RPS6KC1: variants seen among roughly 807,000 people sequenced by gnomAD.
RPS6KC1 encodes the protein ribosomal protein S6 kinase C1.
In RPS6KC1, 54 loss-of-function variants were observed where a neutral mutation model predicts 103.8. That is an observed-to-expected ratio of 0.52 (90% CI 0.42 to 0.65). The LOEUF (loss-of-function observed/expected upper bound fraction) is 0.65, where lower values mean the gene tolerates loss of function less well. Ranked by LOEUF, RPS6KC1 falls within the 30% of genes least tolerant of loss-of-function variation. RPS6KC1 has a pLI of 0.00. For missense variants in RPS6KC1, 1,151 were observed against 1,253.8 expected (o/e 0.92, Z 1.24); for synonymous variants, 439 against 438.7 (o/e 1.00, Z -0.01).
At chr1:213,500,128 T>TGTCAAACTTAGCTAA in the RPS6KC1 span, among the ~76,000 whole-genome samples, 28 of 152,254 alleles carry the variant, frequency 1.8e-4, no homozygotes, top group East Asian at 5.2e-3. Context: ...GTTTGACTCT[T>TGTCAAACTTAGCTAA]GTAATAACTT....
the RPS6KC1 span, among the ~76,000 whole-genome samples, chr1:213,286,009 G>A: frequency 6.6e-6 from 1 of 152,150 alleles, no homozygotes; most frequent in Non-Finnish European, 1.5e-5. Flanking sequence ...CCAGCCTAAG[G>A]CAGAACCGTC....
the RPS6KC1 span, among the ~76,000 whole-genome samples, chr1:213,401,648 T>C: frequency 9.3e-4 from 142 of 152,330 alleles, no homozygotes; most frequent in African/African-American, 3.2e-3. Context: ...GCCCAGCCTG[T>C]TCTACCACCT....
chr1:213,681,992 A>G, the RPS6KC1 span, among the ~76,000 whole-genome samples: 1 of 152,120 alleles, frequency 6.6e-6, no homozygotes, highest in Non-Finnish European at 1.5e-5. Context: ...TCTAAGCCAT[A>G]CTGTGGCCAA....
chr1:213,241,674 G>A lies in RPS6KC1; in HGVS notation c.2198G>A (p.Cys733Tyr). ...CTCTTGGAAGCCCCTGATGTTTTAT[G>A]CCTCAGGCTTAGTACTGAACAATGC... is the stretch of plus-strand genomic sequence containing the variant. ...NKLLEAPDVL[C>Y]LRLSTEQCQA... is the part of the protein sequence containing the mutation. Residue 733 changes from cysteine to tyrosine, a missense_variant, in exon 11 of 15, where the codon TGC becomes TAC. Coordinates refer to ENST00000366960, the MANE Select transcript of RPS6KC1 (RefSeq NM_012424.6). 1 of 1,613,852 alleles carries A rather than the reference G, an allele frequency of 6.2e-7. No homozygotes were observed. Among genetic ancestry groups the A allele is most frequent in the Non-Finnish European group, 8.5e-7 (1 of 1,179,910 alleles).
the RPS6KC1 span, among the ~76,000 whole-genome samples, chr1:213,577,115 C>A: frequency 6.6e-6 from 1 of 152,136 alleles, no homozygotes; most frequent in Non-Finnish European, 1.5e-5. Flanking sequence ...GTGGGAGGGA[C>A]ACTGTTGGGA....
the RPS6KC1 span, among the ~76,000 whole-genome samples, chr1:213,502,147 T>C: frequency 2.0e-5 from 3 of 152,208 alleles, no homozygotes; most frequent in Non-Finnish European, 4.4e-5. Flanking sequence ...CCCAGCAACT[T>C]TCATTAATAT....
the RPS6KC1 span, among the ~76,000 whole-genome samples, chr1:213,382,145 T>A: frequency 6.6e-6 from 1 of 152,178 alleles, no homozygotes; most frequent in Non-Finnish European, 1.5e-5. Context: ...CAGTCCTACA[T>A]CTGCTCCCTA....
the RPS6KC1 span, among the ~76,000 whole-genome samples, chr1:213,470,728 C>T: frequency 5.3e-5 from 8 of 151,310 alleles, no homozygotes; most frequent in Non-Finnish European, 1.0e-4. Flanking sequence ...TCAAGCAATC[C>T]GCCCACCTCA....
chr1:213,132,663 T>C lies in RPS6KC1; in HGVS notation c.835+2774T>C, dbSNP rs149278012. ...GTTTGTTCTGGGGTAACAAAACTGTTAGTGAAATATCTCTATAGCCAGTAA... is the reference window on the plus strand; with the variant it reads ...GTTTGTTCTGGGGTAACAAAACTGTCAGTGAAATATCTCTATAGCCAGTAA... On this transcript the variant is annotated intron_variant, in intron 6 of 14. Coordinates refer to ENST00000366960, the MANE Select transcript of RPS6KC1 (RefSeq NM_012424.6). Among the ~76,000 whole-genome samples the C allele has an allele frequency of 1.8e-3, 267 of 152,330 alleles. 5 individuals are homozygous for C. The East Asian group carries it at 0.033, about 19-fold the overall frequency.
chr1:213,177,727 T>C (rs948484009), intron 8 of RPS6KC1, among the ~76,000 whole-genome samples: 13 of 152,178 alleles, frequency 8.5e-5, no homozygotes, highest in Non-Finnish European at 1.8e-4. Context: ...AATATAGTAA[T>C]TGAGTAGTTT....
At chr1:213,432,242 C>A in the RPS6KC1 span, among the ~76,000 whole-genome samples, 1 of 152,182 alleles carries the variant, frequency 6.6e-6, no homozygotes, top group East Asian at 1.9e-4. Flanking sequence ...CCGTGACATG[C>A]CTTTTCACCC....
the RPS6KC1 span, among the ~76,000 whole-genome samples, chr1:213,342,343 T>C: frequency 6.6e-6 from 1 of 152,224 alleles, no homozygotes; most frequent in Non-Finnish European, 1.5e-5. Context: ...CATCATCTTG[T>C]TTATTGACCA....
At chr1:213,422,608 G>T in the RPS6KC1 span, among the ~76,000 whole-genome samples, 1 of 152,208 alleles carries the variant, frequency 6.6e-6, no homozygotes, top group Non-Finnish European at 1.5e-5. Flanking sequence ...TTTGTTGAAT[G>T]AATACATTAA....
the RPS6KC1 span, among the ~76,000 whole-genome samples, chr1:213,489,803 T>C: frequency 6.6e-6 from 1 of 152,166 alleles, no homozygotes; most frequent in African/African-American, 2.4e-5. Flanking sequence ...TGAATGAGGC[T>C]AATATGTTCA....
the RPS6KC1 span, among the ~76,000 whole-genome samples, chr1:213,727,555 G>A: frequency 6.6e-6 from 1 of 152,196 alleles, no homozygotes; most frequent in Non-Finnish European, 1.5e-5. Context: ...CAAAGTCTGT[G>A]AAGAAACTGG....
At chr1:213,611,269 T>C in the RPS6KC1 span, among the ~76,000 whole-genome samples, 1 of 152,140 alleles carries the variant, frequency 6.6e-6, no homozygotes, top group African/African-American at 2.4e-5. Context: ...AAATAACCCA[T>C]CTGCTTGGAA....
At chr1:213,848,505 A>G in the RPS6KC1 span, among the ~76,000 whole-genome samples, 1 of 152,260 alleles carries the variant, frequency 6.6e-6, no homozygotes, top group South Asian at 2.1e-4. Flanking sequence ...CATATAGTAT[A>G]TATGTGTATG....
intron 11 of RPS6KC1, 110 bp downstream of exon 11, chr1:213,242,407 T>C: frequency 7.5e-7 from 1 of 1,325,912 alleles, no homozygotes; most frequent in Non-Finnish European, 1.1e-6. Flanking sequence ...AGAGCTTCAT[T>C]ATCAGTGCAG....
At chr1:213,164,989 GTTAA>G (rs2090822698) in intron 6 of RPS6KC1, among the ~76,000 whole-genome samples, 1 of 152,112 alleles carries the variant, frequency 6.6e-6, no homozygotes, top group Non-Finnish European at 1.5e-5. Context: ...GCAGGTTAGA[GTTAA>G]TTAAACATTT....
Sources: allele counts gnomAD v4.1 joint callset (sites outside exome capture counted in the v4.1 genomes callset), GRCh38; gene constraint gnomAD v4.1.1; transcripts MANE v1.5; gene names NCBI Gene and HGNC (gene_info 2026-07-23, HGNC 2026-07-21).